Variants in TNFAIP8 observed in about 807,000 individuals in gnomAD.
The protein encoded by TNFAIP8 is TNF alpha induced protein 8, also known as tumor necrosis factor alpha-induced protein 8.
Under a neutral mutation model 13.3 loss-of-function variants are expected in TNFAIP8, and 7 were observed. The ratio of observed to expected loss-of-function variants is 0.52; its 90% CI spans 0.30 to 0.99. The LOEUF is 0.99. Among genes scored for constraint, TNFAIP8 ranks in the 50% least tolerant of loss-of-function variants. The pLI, the probability that TNFAIP8 is intolerant of heterozygous loss-of-function variation, is 0.07. For missense variants in TNFAIP8, 258 were observed against 236.9 expected (o/e 1.09, Z -0.58); for synonymous variants, 94 against 87.6 (o/e 1.07, Z -0.41).
At chr5:119,290,815 G>A (rs1315648660) in intron 1 of TNFAIP8, among the ~76,000 whole-genome samples, 1 of 152,120 alleles carries the variant, frequency 6.6e-6, no homozygotes, top group Non-Finnish European at 1.5e-5. Flanking sequence ...CTGAGATAGG[G>A]CATCAGGAGC....
At chr5:119,299,956 G>T (rs1250474679) in intron 1 of TNFAIP8, among the ~76,000 whole-genome samples, 4 of 152,202 alleles carry the variant, frequency 2.6e-5, no homozygotes, top group African/African-American at 7.2e-5. Flanking sequence ...TTTTAGGCCC[G>T]TCGGAAAAGC....
upstream of TNFAIP8, chr5:119,354,270 G>C (rs1196745141): frequency 6.6e-6 from 1 of 152,114 alleles, no homozygotes; most frequent in Non-Finnish European, 1.5e-5. Context: ...CGGTGGCGAG[G>C]TCAGTTTCCG....
Position 119,393,841 on chromosome 5 carries a change from A to T in TNFAIP8, c.*460A>T, listed in dbSNP as rs942033825. 1.9e-5 allele frequency: 3 copies of T among 157,968 alleles called. No individual in the cohort carries two copies. 9.8% of individuals were successfully genotyped at this position (157,968 alleles called of 1,614,324 possible). On this transcript the variant is annotated 3_prime_UTR_variant, in exon 2 of 2. Transcript: ENST00000504771. ...TCATTGCTCCTTTTGAAACAATTCA[A>T]TTTTCATGTCTACAGCTGACTGTTT...
intron 1 of TNFAIP8, among the ~76,000 whole-genome samples, chr5:119,342,879 C>T (rs1394651818): frequency 6.6e-6 from 1 of 152,128 alleles, no homozygotes; most frequent in Non-Finnish European, 1.5e-5. Flanking sequence ...GAATGTTTAT[C>T]GCCTGCATGT....
At chr5:119,349,741 G>T (rs1019301670) in intron 1 of TNFAIP8, among the ~76,000 whole-genome samples, 1 of 152,218 alleles carries the variant, frequency 6.6e-6, no homozygotes, top group African/African-American at 2.4e-5. Context: ...TGAATATCAG[G>T]AATTGAATGG....
intron 1 of TNFAIP8, among the ~76,000 whole-genome samples, chr5:119,279,324 C>G (rs1388760966): frequency 6.6e-6 from 1 of 152,196 alleles, no homozygotes; most frequent in Admixed American, 6.5e-5. Flanking sequence ...TCTGTGAACT[C>G]TCAAAGGCTG....
chr5:119,294,478 G>A (rs1030448791), intron 1 of TNFAIP8, among the ~76,000 whole-genome samples: 1 of 152,074 alleles, frequency 6.6e-6, no homozygotes, highest in Non-Finnish European at 1.5e-5. Flanking sequence ...CCAAGTCTTT[G>A]CTATTCTGAA....
chr5:119,373,847 G>A (rs1394968895), intron 1 of TNFAIP8, among the ~76,000 whole-genome samples: 1 of 152,064 alleles, frequency 6.6e-6, no homozygotes, highest in Non-Finnish European at 1.5e-5. Flanking sequence ...CTGCGTTTTG[G>A]GCTATGTGAT....
chr5:119,369,363 A>G (rs1454017468), intron 1 of TNFAIP8, among the ~76,000 whole-genome samples: 1 of 152,126 alleles, frequency 6.6e-6, no homozygotes, highest in Non-Finnish European at 1.5e-5. Context: ...CCAAACTTTC[A>G]TTGAGTTAAA....
intron 1 of TNFAIP8, among the ~76,000 whole-genome samples, chr5:119,273,576 C>G (rs1748354384): frequency 1.3e-5 from 2 of 152,138 alleles, no homozygotes; most frequent in African/African-American, 4.8e-5. Flanking sequence ...GCCATAGTAC[C>G]CATTAAGCTT....
At chr5:119,373,453 G>T (rs962279362) in intron 1 of TNFAIP8, among the ~76,000 whole-genome samples, 1 of 152,204 alleles carries the variant, frequency 6.6e-6, no homozygotes, top group African/African-American at 2.4e-5. Flanking sequence ...AAAGTGACTA[G>T]GGATAAGTTA....
chr5:119,281,542 C>T (rs926413171), intron 1 of TNFAIP8, among the ~76,000 whole-genome samples: 5 of 152,070 alleles, frequency 3.3e-5, no homozygotes, highest in South Asian at 2.1e-4. Context: ...ACACACAAAT[C>T]GTCTCCAAAT....
chr5:119,303,273 G>A (rs1480966724), intron 1 of TNFAIP8, among the ~76,000 whole-genome samples: 2 of 152,230 alleles, frequency 1.3e-5, no homozygotes, highest in African/African-American at 2.4e-5. Flanking sequence ...TTTGTTTAAA[G>A]TGTATGTCAT....
intron 1 of TNFAIP8, among the ~76,000 whole-genome samples, chr5:119,280,329 A>T (rs980938767): frequency 4.2e-5 from 6 of 142,136 alleles, no homozygotes; most frequent in African/African-American, 1.7e-4. Flanking sequence ...AGTCTTACCC[A>T]TTAAAAAAAA....
chr5:119,278,261 A>G (rs1748517018), intron 1 of TNFAIP8, among the ~76,000 whole-genome samples: 1 of 151,858 alleles, frequency 6.6e-6, no homozygotes, highest in Admixed American at 6.6e-5. Context: ...TTACATTTTT[A>G]TCTGCAGACT....
At chr5:119,309,986 G>C (rs1315449403) in intron 1 of TNFAIP8, among the ~76,000 whole-genome samples, 6 of 152,166 alleles carry the variant, frequency 3.9e-5, no homozygotes, top group African/African-American at 1.4e-4. Flanking sequence ...AGGGCCAACT[G>C]GGATGACCTG....
At chr5:119,375,900 T>C (rs1422623354) in intron 1 of TNFAIP8, among the ~76,000 whole-genome samples, 2 of 152,124 alleles carry the variant, frequency 1.3e-5, no homozygotes, top group Non-Finnish European at 1.5e-5. Flanking sequence ...CTAAAGAATA[T>C]GACTTTTTAA....
intron 1 of TNFAIP8, among the ~76,000 whole-genome samples, chr5:119,277,647 C>A (rs893072948): frequency 5.3e-5 from 8 of 152,222 alleles, no homozygotes; most frequent in African/African-American, 1.9e-4. Context: ...GGAGTTAAGT[C>A]TTCAGCATAT....
chr5:119,278,717 G>C (rs560517872), intron 1 of TNFAIP8, among the ~76,000 whole-genome samples: 1 of 152,204 alleles, frequency 6.6e-6, no homozygotes, highest in East Asian at 1.9e-4. Flanking sequence ...CAGTATTCCT[G>C]ATACTAATAA....
Sources: allele counts gnomAD v4.1 joint callset (sites outside exome capture counted in the v4.1 genomes callset), GRCh38; gene constraint gnomAD v4.1.1; transcripts MANE v1.5; gene names NCBI Gene and HGNC (gene_info 2026-07-23, HGNC 2026-07-21).